Variants in AK9 observed in about 807,000 individuals in gnomAD.
AK9 encodes the protein adenylate kinase 9.
In AK9, 191 loss-of-function variants were observed where a neutral mutation model predicts 239.6. That is an observed-to-expected ratio of 0.80 (90% CI 0.71 to 0.90). The LOEUF is 0.90. Ranked by LOEUF, AK9 falls within the 40% of genes least tolerant of loss-of-function variation. AK9 has a pLI of 0.00. For synonymous variants in AK9, 689 were observed against 721.0 expected (o/e 0.96, Z 0.71); for missense variants, 1,995 against 2,214.7 (o/e 0.90, Z 1.99).
intron 1 of AK9, chr6:109,690,519 TC>T: frequency 6.6e-6 from 1 of 152,248 alleles, no homozygotes; most frequent in Non-Finnish European, 1.5e-5. Flanking sequence ...CTCCAGGGAC[TC>T]CGCGGGGCTG....
At chr6:109,524,641 A>G (rs1421376989) in intron 29 of AK9, among the ~76,000 whole-genome samples, 1 of 152,224 alleles carries the variant, frequency 6.6e-6, no homozygotes, top group Admixed American at 6.5e-5. Context: ...GAAGAACATC[A>G]GAAATAGTAA....
intron 12 of AK9, among the ~76,000 whole-genome samples, chr6:109,623,113 A>AT (rs200469032): frequency 0.012 from 1,833 of 151,068 alleles, 30 homozygotes; most frequent in African/African-American, 0.04. Context: ...TGCCTGTTTG[A>AT]TTTTTTTTTC....
chr6:109,590,501 G>T (rs1790068193), intron 17 of AK9, among the ~76,000 whole-genome samples: 2 of 151,986 alleles, frequency 1.3e-5, no homozygotes, highest in African/African-American at 4.8e-5. Context: ...TTTTTTCAAA[G>T]AACAACTTTT....
intron 19 of AK9, among the ~76,000 whole-genome samples, chr6:109,584,801 C>G (rs1177865470): frequency 1.3e-5 from 2 of 152,020 alleles, no homozygotes; most frequent in East Asian, 1.9e-4. Context: ...TTTGTAAATG[C>G]TAGTTAACAA....
At chr6:109,517,702 C>T (rs1000324198) in intron 29 of AK9, among the ~76,000 whole-genome samples, 5 of 152,112 alleles carry the variant, frequency 3.3e-5, no homozygotes, top group African/African-American at 1.2e-4. Context: ...AATAGAACAG[C>T]AGATGCCTTT....
rs913203723 is a variant in AK9 at position 109,641,349 on chromosome 6, CTTTTTT to C, written c.933+163_933+168del. ...CACCTGGCTAATTTTTTCTTTCTTT[CTTTTTT>C]TTTTTTTTTTTTTGTAGAGATGGGT... On this transcript the variant is annotated intron_variant, in intron 10 of 40. Coordinates refer to ENST00000424296, the MANE Select transcript of AK9 (RefSeq NM_001145128.3). 4.0e-5 allele frequency among the ~76,000 whole-genome samples: 5 copies of C among 124,390 alleles called. No individual in the cohort carries two copies. The East Asian group carries it at 1.1e-3, about 28-fold the overall frequency. 81.6% of individuals were successfully genotyped at this position (124,390 alleles called of 152,430 possible).
At chr6:109,555,742 T>C (rs1244481796) in intron 24 of AK9, among the ~76,000 whole-genome samples, 1 of 152,212 alleles carries the variant, frequency 6.6e-6, no homozygotes, top group African/African-American at 2.4e-5. Flanking sequence ...TGTTGAATTG[T>C]TCCCTTTACC....
intron 12 of AK9, among the ~76,000 whole-genome samples, chr6:109,624,058 T>G (rs931348957): frequency 2.6e-5 from 4 of 152,130 alleles, no homozygotes; most frequent in Non-Finnish European, 5.9e-5. Context: ...GTTTTTTTTT[T>G]GTGGGGGTTG....
Position 109,542,180 on chromosome 6 carries a change from A to C in AK9, c.3226-9T>G. On this transcript the variant is annotated splice_polypyrimidine_tract_variant and intron_variant, in intron 26 of 40. Transcript: ENST00000424296. ...AGTTGTACTTCTGGAAGCTAAAAAC[A>C]AAAATCAGAAAACAAAACAAGTTTT... The C allele has an allele frequency of 6.3e-7, 1 of 1,577,202 alleles. No individual in the cohort carries two copies. The highest frequency in any genetic ancestry group is 8.6e-7 in the Non-Finnish European group (1 of 1,165,504).
At chr6:109,508,249 G>A (rs1299490334) in intron 33 of AK9, among the ~76,000 whole-genome samples, 1 of 152,194 alleles carries the variant, frequency 6.6e-6, no homozygotes, top group Non-Finnish European at 1.5e-5. Context: ...TTAATCAAGA[G>A]TAGCTCAACT....
At chr6:109,593,782 G>T (rs2128221244) in intron 17 of AK9, among the ~76,000 whole-genome samples, 1 of 152,258 alleles carries the variant, frequency 6.6e-6, no homozygotes, top group African/African-American at 2.4e-5. Flanking sequence ...TATCTTAATA[G>T]ATGCAGAAAA....
intron 17 of AK9, among the ~76,000 whole-genome samples, chr6:109,597,665 A>C (rs1791233210): frequency 8.4e-6 from 1 of 118,356 alleles, no homozygotes; most frequent in Admixed American, 9.8e-5. Flanking sequence ...AGAGAGAGAC[A>C]CCGTCTCAAA....
intron 17 of AK9, among the ~76,000 whole-genome samples, chr6:109,597,137 T>A (rs1791145909): frequency 6.6e-6 from 1 of 152,188 alleles, no homozygotes; most frequent in Admixed American, 6.5e-5. Context: ...CAGATTAGAT[T>A]CCTCACATGA....
rs112164637 is a variant in AK9, at chr6:109,637,212, T to C, written c.934-3889A>G. Among the ~76,000 whole-genome samples, 1,204 of 152,348 alleles carry C rather than the reference T, an allele frequency of 7.9e-3. 24 individuals are homozygous for C. Among genetic ancestry groups the C allele is most frequent in the African/African-American group, 0.026 (1,064 of 41,574 alleles). ...TATATCTTCTTTAGAGAAATGTCTATTCAAATCCTTTGCCCATTTTTGAAC... is the reference window on the plus strand; with the variant it reads ...TATATCTTCTTTAGAGAAATGTCTACTCAAATCCTTTGCCCATTTTTGAAC... On this transcript the variant is annotated intron_variant, in intron 10 of 40. Transcript: ENST00000424296.
rs74889432 is a variant in AK9, at chr6:109,570,780, T to C, written c.2344+2662A>G. Reference sequence around the variant, plus strand: ...ATCCTGAAAAAGGAATCTGAAGCAATAACTGAAGAAAGGCATTTTGAGCTA... The same window carrying C: ...ATCCTGAAAAAGGAATCTGAAGCAACAACTGAAGAAAGGCATTTTGAGCTA... On this transcript the variant is annotated intron_variant, in intron 21 of 40. Transcript: ENST00000424296. 8.2e-3 allele frequency among the ~76,000 whole-genome samples: 1,243 copies of C among 152,258 alleles called. 26 individuals carry two copies. The highest frequency in any genetic ancestry group is 0.027 in the African/African-American group (1,104 of 41,566).
chr6:109,593,729 T>C (rs897381391), intron 17 of AK9, among the ~76,000 whole-genome samples: 2 of 152,288 alleles, frequency 1.3e-5, no homozygotes, highest in South Asian at 4.1e-4. Context: ...TCAATAAACG[T>C]AATCCATCAC....
At chr6:109,525,095 A>G (rs1489235755) in intron 29 of AK9, among the ~76,000 whole-genome samples, 1 of 152,164 alleles carries the variant, frequency 6.6e-6, no homozygotes, top group Non-Finnish European at 1.5e-5. Flanking sequence ...ATAACCAGTT[A>G]TCCCAGCACC....
chr6:109,571,869 T>A (rs1358669815), intron 21 of AK9, among the ~76,000 whole-genome samples: 1 of 152,202 alleles, frequency 6.6e-6, no homozygotes, highest in Non-Finnish European at 1.5e-5. Flanking sequence ...TGACAAAACT[T>A]ATTTTTCAGG....
intron 35 of AK9, 99 bp from the exon 36 acceptor site, chr6:109,499,339 T>C (rs1777373720): frequency 1.1e-6 from 1 of 900,712 alleles, no homozygotes; most frequent in Non-Finnish European, 1.5e-6. Context: ...GCACTATACA[T>C]ACACATTATA....
Sources: allele counts gnomAD v4.1 joint callset (sites outside exome capture counted in the v4.1 genomes callset), GRCh38; gene constraint gnomAD v4.1.1; transcripts MANE v1.5; gene names NCBI Gene and HGNC (gene_info 2026-07-23, HGNC 2026-07-21).